Variants in CALN1 observed in about 807,000 individuals in gnomAD.
CALN1 encodes the protein calcium-binding protein 8.
Under a neutral mutation model 30.6 loss-of-function variants are expected in CALN1, and 17 were observed. The ratio of observed to expected loss-of-function variants is 0.56; its 90% CI spans 0.38 to 0.83. The LOEUF is 0.83. Among genes scored for constraint, CALN1 ranks in the 40% least tolerant of loss-of-function variants. The pLI is 0.00. For missense variants in CALN1, 291 were observed against 354.9 expected (o/e 0.82, Z 1.45); for synonymous variants, 156 against 131.4 (o/e 1.19, Z -1.28).
At chr7:71,828,718 A>G (rs528934988) in intron 5 of CALN1, among the ~76,000 whole-genome samples, 164 of 144,344 alleles carry the variant, frequency 1.1e-3, no homozygotes, top group Non-Finnish European at 1.8e-3. Context: ...ATATATGTAT[A>G]TGTGTGTGTG....
intron 5 of CALN1, among the ~76,000 whole-genome samples, chr7:71,957,465 A>G (rs575291846): frequency 6.6e-6 from 1 of 152,290 alleles, no homozygotes; most frequent in South Asian, 2.1e-4. Flanking sequence ...GCAAAAAATC[A>G]AACCCCAAAA....
At chr7:72,168,042 A>G (rs1788652983) in intron 3 of CALN1, among the ~76,000 whole-genome samples, 1 of 152,222 alleles carries the variant, frequency 6.6e-6, no homozygotes, top group South Asian at 2.1e-4. Context: ...GCAAGATGTG[A>G]ATTTGTTGCC....
chr7:71,991,506 T>C (rs1363879726), intron 5 of CALN1, among the ~76,000 whole-genome samples: 1 of 150,258 alleles, frequency 6.7e-6, no homozygotes, highest in Non-Finnish European at 1.5e-5. Flanking sequence ...ATGGAAGGCC[T>C]GTGCCTACAT....
chr7:72,114,658 G>T (rs962517520), intron 3 of CALN1, among the ~76,000 whole-genome samples: 1 of 152,124 alleles, frequency 6.6e-6, no homozygotes, highest in African/African-American at 2.4e-5. Context: ...ACATAGAGGT[G>T]AAAGGGACAG....
At chr7:72,247,230 T>TC (rs1795245341) in intron 3 of CALN1, among the ~76,000 whole-genome samples, 3 of 21,772 alleles carry the variant, frequency 1.4e-4, no homozygotes, top group South Asian at 2.0e-3. Context: ...TTTCTTTCTT[T>TC]TTTTTTTTTT....
intron 2 of CALN1, among the ~76,000 whole-genome samples, chr7:72,379,710 A>G (rs531439004): frequency 9.2e-5 from 14 of 152,298 alleles, no homozygotes; most frequent in Non-Finnish European, 1.9e-4. Context: ...AGCATTCCTT[A>G]TTTATTGCAT....
chr7:72,367,532 G>C (rs1397969281), intron 2 of CALN1, among the ~76,000 whole-genome samples: 8 of 152,120 alleles, frequency 5.3e-5, no homozygotes, highest in Non-Finnish European at 1.5e-5. Flanking sequence ...GGCTGAGACA[G>C]GAGGATGGCT....
chr7:72,000,131 A>G (rs1799453992), intron 5 of CALN1, among the ~76,000 whole-genome samples: 1 of 152,200 alleles, frequency 6.6e-6, no homozygotes, highest in Non-Finnish European at 1.5e-5. Context: ...AAAGAACAAT[A>G]CAAAACAAAA....
intron 5 of CALN1, among the ~76,000 whole-genome samples, chr7:71,829,035 G>A (rs545191668): frequency 6.6e-5 from 10 of 152,098 alleles, no homozygotes; most frequent in East Asian, 3.9e-4. Context: ...GTGATCCACC[G>A]CGCCCGGCCA....
intron 2 of CALN1, among the ~76,000 whole-genome samples, chr7:72,352,261 T>C (rs1221853839): frequency 6.6e-6 from 1 of 151,926 alleles, no homozygotes; most frequent in Non-Finnish European, 1.5e-5. Flanking sequence ...TGGTGGCACA[T>C]GCCTGTAGTC....
intron 3 of CALN1, among the ~76,000 whole-genome samples, chr7:72,224,989 T>C (rs1010511063): frequency 6.6e-6 from 1 of 151,442 alleles, no homozygotes; most frequent in African/African-American, 2.4e-5. Flanking sequence ...TCCCAGCTAC[T>C]TGGGAGGCTG....
intron 5 of CALN1, among the ~76,000 whole-genome samples, chr7:71,852,261 C>T (rs1042254241): frequency 1.3e-5 from 2 of 152,012 alleles, no homozygotes; most frequent in Non-Finnish European, 2.9e-5. Flanking sequence ...CATCATTTTA[C>T]GGACATATGT....
At chr7:71,951,775 G>A (rs1584592749) in intron 5 of CALN1, among the ~76,000 whole-genome samples, 1 of 152,272 alleles carries the variant, frequency 6.6e-6, no homozygotes, top group South Asian at 2.1e-4. Context: ...CCAGAAACCT[G>A]GCATCTATGG....
chr7:72,075,812 G>C (rs1175336736), intron 4 of CALN1, among the ~76,000 whole-genome samples: 1 of 152,136 alleles, frequency 6.6e-6, no homozygotes, highest in Non-Finnish European at 1.5e-5. Flanking sequence ...TGGGAGGTTA[G>C]GTTTCAACAA....
At chr7:72,302,179 T>C (rs145333279) in intron 2 of CALN1, among the ~76,000 whole-genome samples, 1 of 151,670 alleles carries the variant, frequency 6.6e-6, no homozygotes, top group East Asian at 2.0e-4. Context: ...GGAGAGGAAA[T>C]AATACAAGAG....
chr7:72,404,505 C>T (rs142343708), intron 1 of CALN1, among the ~76,000 whole-genome samples: 61 of 152,294 alleles, frequency 4.0e-4, no homozygotes, highest in Non-Finnish European at 7.4e-4. Flanking sequence ...AACAAAGCCC[C>T]GGCCACCATG....
chr7:72,092,494 T>G (rs1260997324), intron 4 of CALN1, among the ~76,000 whole-genome samples: 1 of 152,052 alleles, frequency 6.6e-6, no homozygotes, highest in Non-Finnish European at 1.5e-5. Flanking sequence ...TCTGTTACTT[T>G]GCTTTATCCA....
chr7:72,059,484 A>C (rs1191166178), intron 4 of CALN1, among the ~76,000 whole-genome samples: 1 of 152,194 alleles, frequency 6.6e-6, no homozygotes, highest in East Asian at 1.9e-4. Flanking sequence ...CAGTAAGTCA[A>C]TACTTCAGGC....
intron 6 of CALN1, among the ~76,000 whole-genome samples, chr7:71,807,931 G>A (rs762389943): frequency 7.2e-5 from 11 of 152,002 alleles, no homozygotes; most frequent in East Asian, 1.9e-4. Context: ...AAAATTAGCC[G>A]GGCATGGGGG....
Sources: allele counts gnomAD v4.1 joint callset (sites outside exome capture counted in the v4.1 genomes callset), GRCh38; gene constraint gnomAD v4.1.1; transcripts MANE v1.5; gene names NCBI Gene and HGNC (gene_info 2026-07-23, HGNC 2026-07-21).